HMBOX1: variants seen among roughly 807,000 people sequenced by gnomAD.
The protein encoded by HMBOX1 is homeobox containing 1, also known as homeobox-containing protein 1.
Under a neutral mutation model 54.5 loss-of-function variants are expected in HMBOX1, and 14 were observed. That is an observed-to-expected ratio of 0.26 (90% CI 0.17 to 0.40). The LOEUF is 0.40. Among genes scored for constraint, HMBOX1 ranks in the 10% least tolerant of loss-of-function variants. HMBOX1 has a pLI of 1.00. For missense variants in HMBOX1, 332 were observed against 514.4 expected, an observed-to-expected ratio of 0.65 and a Z score of 3.43; for synonymous variants, 160 against 181.0, an observed-to-expected ratio of 0.88 and a Z score of 0.93.
intron 6 of HMBOX1, among the ~76,000 whole-genome samples, chr8:29,033,857 C>T (rs868276770): frequency 5.3e-5 from 8 of 152,126 alleles, no homozygotes; most frequent in South Asian, 4.2e-4. Context: ...CATCCCAGAG[C>T]AGAATTCTAG....
At chr8:28,955,234 G>A (rs905106075) in intron 1 of HMBOX1, among the ~76,000 whole-genome samples, 2 of 151,342 alleles carry the variant, frequency 1.3e-5, no homozygotes, top group African/African-American at 4.9e-5. Flanking sequence ...TTCTCAAGTT[G>A]TTTTTTTTCT....
chr8:28,914,689 A>G (rs1355916614), intron 1 of HMBOX1, among the ~76,000 whole-genome samples: 1 of 152,232 alleles, frequency 6.6e-6, no homozygotes, highest in Non-Finnish European at 1.5e-5. Flanking sequence ...TAACATTTGA[A>G]TTAATAAAAT....
At chr8:28,952,032 T>G (rs1193670063) in intron 1 of HMBOX1, among the ~76,000 whole-genome samples, 1 of 151,860 alleles carries the variant, frequency 6.6e-6, no homozygotes, top group Non-Finnish European at 1.5e-5. Context: ...AAAAATCAGC[T>G]GGGCATTATG....
chr8:28,989,742 C>A (rs1830703017), intron 4 of HMBOX1, among the ~76,000 whole-genome samples: 1 of 152,198 alleles, frequency 6.6e-6, no homozygotes, highest in Non-Finnish European at 1.5e-5. Flanking sequence ...ACAAAAAGCA[C>A]ATCTGTAGTG....
intron 4 of HMBOX1, among the ~76,000 whole-genome samples, chr8:29,001,244 T>C (rs1403339091): frequency 6.6e-6 from 1 of 152,142 alleles, no homozygotes; most frequent in Non-Finnish European, 1.5e-5. Context: ...ATACCCAAAG[T>C]TATATTTAAA....
chr8:28,990,018 C>T (rs752174745), intron 4 of HMBOX1, among the ~76,000 whole-genome samples: 41 of 152,142 alleles, frequency 2.7e-4, no homozygotes, highest in Non-Finnish European at 4.4e-4. Flanking sequence ...TATCATAGGT[C>T]AGTTGGTTTT....
intron 1 of HMBOX1, among the ~76,000 whole-genome samples, chr8:28,942,073 AGT>A (rs1821531439): frequency 1.3e-5 from 2 of 152,220 alleles, no homozygotes; most frequent in Non-Finnish European, 2.9e-5. Context: ...TGTGAGGGAT[AGT>A]AGCAGTGTGA....
chr8:28,981,520 C>T (rs1404007936), intron 4 of HMBOX1, among the ~76,000 whole-genome samples: 2 of 152,186 alleles, frequency 1.3e-5, no homozygotes, highest in Non-Finnish European at 2.9e-5. Flanking sequence ...TCAGTACTTA[C>T]ATTTCAGCCT....
At chr8:28,897,146 C>T (rs574521204) in intron 1 of HMBOX1, among the ~76,000 whole-genome samples, 10 of 152,002 alleles carry the variant, frequency 6.6e-5, no homozygotes, top group Admixed American at 1.3e-4. Context: ...CCACCATGCC[C>T]GGCTAATTTT....
chr8:28,903,005 A>G (rs540628062), intron 1 of HMBOX1, among the ~76,000 whole-genome samples: 28 of 152,360 alleles, frequency 1.8e-4, no homozygotes, highest in Non-Finnish European at 3.4e-4. Flanking sequence ...TTAACAATAT[A>G]TAATGGTGTC....
At chr8:28,993,129 C>T (rs1831252028) in intron 4 of HMBOX1, among the ~76,000 whole-genome samples, 1 of 151,568 alleles carries the variant, frequency 6.6e-6, no homozygotes, top group Non-Finnish European at 1.5e-5. Context: ...CATAGTATAC[C>T]ATCTTCTAGA....
chr8:28,932,996 T>C (rs1430127308), intron 1 of HMBOX1, among the ~76,000 whole-genome samples: 2 of 152,168 alleles, frequency 1.3e-5, no homozygotes, highest in Non-Finnish European at 2.9e-5. Context: ...GGCTCAAGAT[T>C]TATAGTCAAA....
intron 1 of HMBOX1, among the ~76,000 whole-genome samples, chr8:28,956,123 C>G (rs1007858466): frequency 2.0e-5 from 3 of 152,050 alleles, no homozygotes; most frequent in Non-Finnish European, 4.4e-5. Flanking sequence ...CAAATGATGT[C>G]ATAATCACAT....
chr8:29,036,380 A>G lies in HMBOX1; in HGVS notation c.852-8981A>G, dbSNP rs558964044. Reference sequence around the variant, plus strand: ...GTTTTCTGCTAGTGCCTGAAGAGGCACTAACTCTTCTAAGATAGGTTAACT... The same window carrying G: ...GTTTTCTGCTAGTGCCTGAAGAGGCGCTAACTCTTCTAAGATAGGTTAACT... On this transcript the variant is annotated intron_variant, in intron 6 of 9. Transcript: ENST00000287701. Among the ~76,000 whole-genome samples the G allele has an allele frequency of 6.3e-4, 96 of 152,336 alleles. 1 individual carries two copies. Among genetic ancestry groups the G allele is most frequent in the African/African-American group, 2.2e-3 (93 of 41,578 alleles).
At chr8:29,033,395 C>T (rs1309026473) in intron 6 of HMBOX1, among the ~76,000 whole-genome samples, 3 of 152,152 alleles carry the variant, frequency 2.0e-5, no homozygotes, top group African/African-American at 7.2e-5. Flanking sequence ...TTTAAATAGA[C>T]AGCAGGAGCC....
intron 4 of HMBOX1, among the ~76,000 whole-genome samples, chr8:28,999,665 G>A (rs184993911): frequency 9.2e-4 from 140 of 151,630 alleles, no homozygotes; most frequent in African/African-American, 2.7e-3. Flanking sequence ...CATATCTACC[G>A]TTGAGTCCTT....
chr8:29,009,271 T>A, intron 5 of HMBOX1, 89 bp downstream of exon 5: 1 of 1,182,576 alleles, frequency 8.5e-7, no homozygotes, highest in Non-Finnish European at 1.2e-6. Flanking sequence ...ACTTGTTCAG[T>A]AAGATGGTTT....
intron 6 of HMBOX1, among the ~76,000 whole-genome samples, chr8:29,025,976 T>A (rs1158457830): frequency 6.6e-6 from 1 of 151,774 alleles, no homozygotes; most frequent in Non-Finnish European, 1.5e-5. Context: ...TTGCTCATCA[T>A]GAACGGAAAT....
At position 28,963,901 on chromosome 8, in the gene HMBOX1, A is replaced by G. The variant is rs926852062; in HGVS notation, c.23+11A>G. ...TTCCTTTCCAGTGGTGTAAGTATCA[A>G]GTCCTTTTTGATTTTTATCTTCACA... On this transcript the variant is annotated intron_variant, in intron 2 of 9. Transcript: ENST00000287701. 28 of 1,595,716 alleles carry G rather than the reference A, an allele frequency of 1.8e-5. No individual in the cohort carries two copies. Among genetic ancestry groups the G allele is most frequent in the Non-Finnish European group, 2.0e-5 (23 of 1,167,128 alleles).
Sources: gnomAD v4.1 joint callset for allele counts (sites outside exome capture counted in the v4.1 genomes callset) on GRCh38, gnomAD v4.1.1 for gene constraint, MANE v1.5 for transcripts, NCBI Gene and HGNC (gene_info 2026-07-23, HGNC 2026-07-21) for gene names.